RAB1A: variants seen among roughly 807,000 people sequenced by gnomAD.
The protein encoded by RAB1A is ras-related protein Rab-1A.
A neutral mutation model predicts 26.0 loss-of-function variants in RAB1A; 2 were observed. The observed-to-expected ratio is 0.08, with a 90% CI of 0.03 to 0.24. The LOEUF is 0.24. Among genes scored for constraint, RAB1A ranks in the 10% least tolerant of loss-of-function variants. The pLI is 1.00. For synonymous variants in RAB1A, 84 were observed against 84.9 expected (o/e 0.99, Z 0.06); for missense variants, 100 against 247.0 (o/e 0.40, Z 3.99).
intron 1 of RAB1A, among the ~76,000 whole-genome samples, chr2:65,111,159 C>T (rs1014017155): frequency 6.6e-6 from 1 of 151,960 alleles, no homozygotes; most frequent in African/African-American, 2.4e-5. Context: ...CTCAGGAGCA[C>T]GAGACCAGCC....
chr2:65,101,297 G>A (rs1669421447), intron 2 of RAB1A, among the ~76,000 whole-genome samples: 1 of 152,132 alleles, frequency 6.6e-6, no homozygotes, highest in Admixed American at 6.5e-5. Context: ...CCAAGGTCAT[G>A]TGGCATTTAT....
intron 3 of RAB1A, among the ~76,000 whole-genome samples, chr2:65,095,081 G>A (rs1669251495): frequency 6.6e-6 from 1 of 152,130 alleles, no homozygotes; most frequent in Admixed American, 6.5e-5. Flanking sequence ...GCTGACCGCT[G>A]CACTCTAGCG....
intron 3 of RAB1A, among the ~76,000 whole-genome samples, chr2:65,095,716 A>T (rs1333738684): frequency 6.6e-6 from 1 of 151,996 alleles, no homozygotes; most frequent in Non-Finnish European, 1.5e-5. Context: ...TAAGCTTCTT[A>T]AAAATGTTCA....
chr2:65,102,026 C>T (rs1000259310), intron 2 of RAB1A, among the ~76,000 whole-genome samples: 2 of 152,080 alleles, frequency 1.3e-5, no homozygotes, highest in African/African-American at 4.8e-5. Flanking sequence ...GGATTACAGG[C>T]GTGACCCACC....
At chr2:65,098,509 G>A (rs1669341293) in intron 2 of RAB1A, among the ~76,000 whole-genome samples, 1 of 148,894 alleles carries the variant, frequency 6.7e-6, no homozygotes, top group Non-Finnish European at 1.5e-5. Flanking sequence ...TTTCTTAGAA[G>A]TCAATCTTGC....
chr2:65,117,670 G>A (rs1278772524), intron 1 of RAB1A, among the ~76,000 whole-genome samples: 2 of 151,048 alleles, frequency 1.3e-5, no homozygotes, highest in African/African-American at 2.4e-5. Flanking sequence ...AGGCTCAAAC[G>A]ATCCTCCTAC....
At chr2:65,122,761 G>C (rs570637805) in intron 1 of RAB1A, among the ~76,000 whole-genome samples, 2 of 151,992 alleles carry the variant, frequency 1.3e-5, no homozygotes, top group African/African-American at 4.8e-5. Flanking sequence ...TGGATCACAA[G>C]GTCAGGAGAT....
At chr2:65,127,222 G>C (rs897055478) in intron 1 of RAB1A, among the ~76,000 whole-genome samples, 1 of 152,080 alleles carries the variant, frequency 6.6e-6, no homozygotes, top group Non-Finnish European at 1.5e-5. Context: ...TGTCATTTAT[G>C]AGCCATTCCT....
intron 1 of RAB1A, chr2:65,106,438 A>G: frequency 3.1e-6 from 1 of 325,842 alleles, no homozygotes. Context: ...AAGAGAGGAT[A>G]TAAAACTTCT....
chr2:65,103,482 C>T (rs1669484184), intron 2 of RAB1A, among the ~76,000 whole-genome samples: 1 of 152,058 alleles, frequency 6.6e-6, no homozygotes, highest in Non-Finnish European at 1.5e-5. Flanking sequence ...GTAAAGAATG[C>T]CATCACCATG....
intron 2 of RAB1A, among the ~76,000 whole-genome samples, chr2:65,101,461 T>G (rs1055905630): frequency 6.6e-6 from 1 of 152,178 alleles, no homozygotes; most frequent in Non-Finnish European, 1.5e-5. Flanking sequence ...TTTGAGGGTA[T>G]GGGGATCAGC....
intron 1 of RAB1A, among the ~76,000 whole-genome samples, chr2:65,129,440 A>G (rs1376761964): frequency 1.3e-5 from 2 of 152,132 alleles, no homozygotes; most frequent in African/African-American, 4.8e-5. Flanking sequence ...AGGATTTACA[A>G]GTAAAGCTGG....
At chr2:65,111,039 A>G (rs943161841) in intron 1 of RAB1A, among the ~76,000 whole-genome samples, 1 of 152,176 alleles carries the variant, frequency 6.6e-6, no homozygotes, top group Non-Finnish European at 1.5e-5. Context: ...GAGAAACAGG[A>G]TATCTGCATG....
chr2:65,106,910 C>T (rs1669575382), intron 1 of RAB1A, among the ~76,000 whole-genome samples: 1 of 151,900 alleles, frequency 6.6e-6, no homozygotes, highest in African/African-American at 2.4e-5. Flanking sequence ...TGCTCTGTTG[C>T]TCAAGCTAAT....
chr2:65,105,511 C>CAAAAAAAAAAAAAAAAAAAAAAA (rs60594101), intron 1 of RAB1A: 1 of 33,028 alleles, frequency 3.0e-5, no homozygotes, highest in African/African-American at 1.0e-4. Flanking sequence ...AACTCTGTCT[C>CAAAAAAAAAAAAAAAAAAAAAAA]AAAAAAAAAA....
chr2:65,126,209 G>T (rs1189995066), intron 1 of RAB1A, among the ~76,000 whole-genome samples: 1 of 151,818 alleles, frequency 6.6e-6, no homozygotes, highest in African/African-American at 2.4e-5. Flanking sequence ...AGCTACTCAG[G>T]AGACCAAGGC....
At chr2:65,121,124 C>G (rs986124671) in intron 1 of RAB1A, among the ~76,000 whole-genome samples, 16 of 150,830 alleles carry the variant, frequency 1.1e-4, no homozygotes, top group African/African-American at 3.7e-4. Flanking sequence ...GTGCCAGTTA[C>G]TCAGGAGGCT....
intron 1 of RAB1A, among the ~76,000 whole-genome samples, chr2:65,124,288 G>T (rs1191559075): frequency 2.6e-5 from 4 of 152,062 alleles, no homozygotes; most frequent in Non-Finnish European, 4.4e-5. Context: ...GCCAAAAGCG[G>T]GAAATTTTTT....
intron 4 of RAB1A, 71 bp from the exon 5 acceptor site, chr2:65,089,141 C>A: frequency 1.5e-6 from 2 of 1,364,706 alleles, no homozygotes; most frequent in Non-Finnish European, 2.0e-6. Context: ...AAACATCGTT[C>A]CTGACCTAAC....
Sources: allele counts gnomAD v4.1 joint callset (sites outside exome capture counted in the v4.1 genomes callset), GRCh38; gene constraint gnomAD v4.1.1; transcripts MANE v1.5; gene names NCBI Gene and HGNC (gene_info 2026-07-23, HGNC 2026-07-21).